Variants in WNK1 observed in about 807,000 individuals in gnomAD.
The protein encoded by WNK1 is serine/threonine-protein kinase WNK1.
WNK1 carries 38 observed loss-of-function variants against 222.8 expected under a neutral mutation model. The ratio of observed to expected loss-of-function variants is 0.17; its 90% CI spans 0.13 to 0.22. WNK1 has a LOEUF of 0.22. WNK1 is among the 10% of genes least tolerant of loss of function. The pLI is 1.00. For missense variants in WNK1, 2,348 were observed against 2,918.4 expected, an observed-to-expected ratio of 0.80 and a Z score of 4.50; for synonymous variants, 1,090 against 1,092.9, an observed-to-expected ratio of 1.00 and a Z score of 0.05.
At chr12:797,116 C>T (rs2153986664) in intron 1 of WNK1, among the ~76,000 whole-genome samples, 1 of 152,238 alleles carries the variant, frequency 6.6e-6, no homozygotes. Flanking sequence ...TTTTGCATTC[C>T]TATTAAATTC....
chr12:890,427 G>A, intron 21 of WNK1, 26 bp from the exon 22 acceptor site: 1 of 1,614,008 alleles, frequency 6.2e-7, no homozygotes, highest in Non-Finnish European at 8.5e-7. Context: ...AAAGATTTGT[G>A]GTGTCTGTCT....
rs1954769527 is a variant in WNK1, at chr12:896,838, T to G, written c.6245+106T>G. 6 of 1,308,430 alleles carry G rather than the reference T, an allele frequency of 4.6e-6. No individual in the cohort carries two copies. The East Asian group carries it at 1.3e-4, about 27-fold the overall frequency. 81.1% of individuals were successfully genotyped at this position (1,308,430 alleles called of 1,614,324 possible). A position where few individuals can be genotyped will look rare whatever the true frequency, so the allele number is the denominator to read the frequency against. ...TCGCCACAATATGCTAATGTCTCATTTCTTTTAAAGAGACAGTGCCACAGA... is the reference window on the plus strand; with the variant it reads ...TCGCCACAATATGCTAATGTCTCATGTCTTTTAAAGAGACAGTGCCACAGA... On this transcript the variant is annotated intron_variant, in intron 24 of 27. Transcript: ENST00000315939.
Position 908,819 on chromosome 12 carries a change from TG to T in WNK1, c.*32del. ...CCTAGAGACATTAACTGAATAGATCTGGGGGCAGGAGATGGAATGCTGAGGG... is the reference window on the plus strand; with the variant it reads ...CCTAGAGACATTAACTGAATAGATCTGGGGCAGGAGATGGAATGCTGAGGG... On this transcript the variant is annotated 3_prime_UTR_variant, in exon 28 of 28. Transcript: ENST00000315939. 6.6e-6 allele frequency: 4 copies of T among 603,260 alleles called. No homozygotes were observed. In the South Asian group the frequency reaches 7.6e-5, roughly 12 times the overall value. The allele number at this position is 603,260 out of a possible 1,614,324, so 37.4% of individuals were successfully genotyped here. A position where few individuals can be genotyped will look rare whatever the true frequency, so the allele number is the denominator to read the frequency against.
intron 6 of WNK1, 64 bp from the exon 7 acceptor site, chr12:860,949 T>G (rs147270011): frequency 0.025 from 29,603 of 1,163,630 alleles, 1 homozygote; most frequent in Admixed American, 0.067. Context: ...TGGCGGGGGG[T>G]GGTGGTGGGG....
At chr12:770,450 ATT>A (rs1289848754) in intron 1 of WNK1, among the ~76,000 whole-genome samples, 1 of 152,212 alleles carries the variant, frequency 6.6e-6, no homozygotes, top group African/African-American at 2.4e-5. Flanking sequence ...GTTTAGATAT[ATT>A]TGTTAAATAT....
At chr12:791,746 A>G (rs2153981237) in intron 1 of WNK1, among the ~76,000 whole-genome samples, 1 of 152,336 alleles carries the variant, frequency 6.6e-6, no homozygotes, top group South Asian at 2.1e-4. Flanking sequence ...AATATATGAC[A>G]TTAATATAAA....
Position 754,078 on chromosome 12 carries a change from T to C in WNK1, c.513T>C (p.Leu171=). The stretch of plus-strand genomic sequence containing the variant: ...ACCGCCCAGTGTCCCAGCCTAGCCT[T>C]GTGGGGAGCAAAGAGGAGCCGCCGC... The part of the protein sequence containing the change: ...SKDRPVSQPS[L]VGSKEEPPPA... The change falls in exon 1 of 28, where the codon CTT becomes CTC. Residue 171 remains leucine, a synonymous_variant. Transcript: ENST00000315939. 2 of 1,608,686 alleles carry C rather than the reference T, an allele frequency of 1.2e-6. No homozygotes were observed. Among genetic ancestry groups the C allele is most frequent in the Non-Finnish European group, 1.7e-6 (2 of 1,178,262 alleles).
At chr12:796,870 C>G (rs1945357292) in intron 1 of WNK1, among the ~76,000 whole-genome samples, 1 of 122,240 alleles carries the variant, frequency 8.2e-6, no homozygotes, top group Non-Finnish European at 1.9e-5. Context: ...CCAATGCAAG[C>G]ATGATCAATC....
intron 4 of WNK1, among the ~76,000 whole-genome samples, chr12:845,354 C>G (rs532656406): frequency 1.3e-5 from 2 of 152,186 alleles, no homozygotes; most frequent in African/African-American, 4.8e-5. Context: ...CTTCCTGATA[C>G]AAACACACCC....
chr12:840,628 G>A (rs1336625823), intron 4 of WNK1, among the ~76,000 whole-genome samples: 1 of 152,098 alleles, frequency 6.6e-6, no homozygotes, highest in East Asian at 1.9e-4. Flanking sequence ...CAGACTGTAT[G>A]ATACATACAG....
chr12:765,613 G>A (rs1941599403), intron 1 of WNK1, among the ~76,000 whole-genome samples: 1 of 119,996 alleles, frequency 8.3e-6, no homozygotes, highest in African/African-American at 2.6e-5. Flanking sequence ...CAGATCTTGG[G>A]TCAAGTTGTG....
intron 4 of WNK1, among the ~76,000 whole-genome samples, chr12:856,522 A>C (rs1950810296): frequency 1.3e-5 from 2 of 152,098 alleles, no homozygotes; most frequent in African/African-American, 4.8e-5. Flanking sequence ...TACTGTGATG[A>C]CTACTATGTA....
At chr12:778,311 A>C (rs540697035) in intron 1 of WNK1, among the ~76,000 whole-genome samples, 5 of 151,872 alleles carry the variant, frequency 3.3e-5, no homozygotes, top group Non-Finnish European at 1.5e-5. Flanking sequence ...TTTTATTATT[A>C]ATTTTTTTTT....
intron 1 of WNK1, among the ~76,000 whole-genome samples, chr12:785,549 C>A (rs1944217190): frequency 6.6e-6 from 1 of 152,086 alleles, no homozygotes; most frequent in South Asian, 2.1e-4. Flanking sequence ...AGGCACCCGC[C>A]ACCACGCCCA....
intron 1 of WNK1, among the ~76,000 whole-genome samples, chr12:806,246 T>C (rs1319981583): frequency 1.3e-5 from 2 of 152,098 alleles, no homozygotes; most frequent in Non-Finnish European, 2.9e-5. Context: ...GAAATAGGAG[T>C]GCAAAAGAAG....
chr12:801,574 ATT>A (rs35504521), intron 1 of WNK1, among the ~76,000 whole-genome samples: 22 of 133,974 alleles, frequency 1.6e-4, no homozygotes, highest in Admixed American at 8.2e-4. Flanking sequence ...ATGCCTGACC[ATT>A]TTTTTTTTTT....
Position 753,960 on chromosome 12 carries a change from A to G in WNK1, c.395A>G (p.Gln132Arg), listed in dbSNP as rs1400453052. The G allele has an allele frequency of 1.2e-6, 2 of 1,601,972 alleles. No individual in the cohort carries two copies. The highest frequency in any genetic ancestry group is 1.7e-6 in the Non-Finnish European group (2 of 1,175,282). The change falls in exon 1 of 28, where the codon CAG becomes CGG. Residue 132 changes from glutamine to arginine, a missense_variant. Physicochemically the swap from Gln to Arg is conservative, Grantham distance 43 (BLOSUM62 1). This residue lies in a region of WNK1 where 185 missense variants were observed against 159.2 expected (regional missense o/e 1.16). Coordinates refer to ENST00000315939, the MANE Select transcript of WNK1 (RefSeq NM_018979.4). This position sits in a 1 kb window ranked among gnomAD's most constrained non-coding sequence, Gnocchi z 5.2. ...ACCGTGACCGCCACCGCCACTTCCC[A>G]GGTAGCCCAGCAGCCTCCAGCCGCT... Reference protein sequence around the residue: ...EETVTATATSQVAQQPPAAAA... With the variant: ...EETVTATATSRVAQQPPAAAA...
chr12:788,768 T>A (rs1378823159), intron 1 of WNK1, among the ~76,000 whole-genome samples: 12 of 151,658 alleles, frequency 7.9e-5, no homozygotes, highest in Admixed American at 7.9e-4. Flanking sequence ...TTGCCTGTAA[T>A]CCCAGCTACC....
rs189915585 is a variant in WNK1, at chr12:798,893, C to T, written c.760-14749C>T. On this transcript the variant is annotated intron_variant, in intron 1 of 27. Transcript: ENST00000315939. ...CTCTTAATTTTTACTTTTTCTCTAC[C>T]ATCTATTGTACGGGGATGTTAAATA... Among the ~76,000 whole-genome samples, 227 of 152,016 alleles carry T rather than the reference C, an allele frequency of 1.5e-3. 1 individual carries two copies. Among genetic ancestry groups the T allele is most frequent in the African/African-American group, 5.1e-3 (211 of 41,472 alleles).
Sources: gnomAD v4.1 joint callset for allele counts (sites outside exome capture counted in the v4.1 genomes callset) on GRCh38, gnomAD v4.1.1 for gene constraint, gnomAD v4.1.1 regional missense constraint, Gnocchi (gnomAD v3.1) non-coding constraint, MANE v1.5 for transcripts, NCBI Gene and HGNC (gene_info 2026-07-23, HGNC 2026-07-21) for gene names.